DLC1: variants seen among roughly 807,000 people sequenced by gnomAD.
DLC1 encodes DLC1 Rho GTPase activating protein, also known as rho GTPase-activating protein 7.
A neutral mutation model predicts 140.3 loss-of-function variants in DLC1; 54 were observed. The observed-to-expected ratio is 0.38, with a 90% CI of 0.31 to 0.48. The LOEUF (loss-of-function observed/expected upper bound fraction) is 0.48. Ranked by LOEUF, DLC1 falls within the 20% of genes least tolerant of loss-of-function variation. The pLI, the probability that DLC1 is intolerant of heterozygous loss-of-function variation, is 0.96. For missense variants in DLC1, 2,536 were observed against 1,907.0 expected, an observed-to-expected ratio of 1.33 and a Z score of -6.14; for synonymous variants, 986 against 728.1, an observed-to-expected ratio of 1.35 and a Z score of -5.70.
chr8:13,360,492 C>T (rs2117072567), intron 4 of DLC1, among the ~76,000 whole-genome samples: 1 of 152,212 alleles, frequency 6.6e-6, no homozygotes, highest in East Asian at 1.9e-4. Flanking sequence ...TTGACATCAC[C>T]TGGGAAACTT....
intron 4 of DLC1, among the ~76,000 whole-genome samples, chr8:13,329,372 G>T (rs1833496476): frequency 6.6e-6 from 1 of 152,162 alleles, no homozygotes; most frequent in South Asian, 2.1e-4. Flanking sequence ...CAAGGTTGGA[G>T]TTGTATCCTA....
chr8:13,176,503 C>T (rs972767890), intron 5 of DLC1, among the ~76,000 whole-genome samples: 24 of 152,144 alleles, frequency 1.6e-4, no homozygotes, highest in Non-Finnish European at 2.1e-4. Flanking sequence ...GGTGTGAACC[C>T]GGCAGGTGGA....
At chr8:13,346,671 G>C (rs922239747) in intron 4 of DLC1, among the ~76,000 whole-genome samples, 2 of 152,220 alleles carry the variant, frequency 1.3e-5, no homozygotes, top group Non-Finnish European at 2.9e-5. Flanking sequence ...CCGGGGATGT[G>C]TCCAGAGAAA....
At chr8:13,120,770 G>T (rs1820995907) in intron 5 of DLC1, among the ~76,000 whole-genome samples, 1 of 152,118 alleles carries the variant, frequency 6.6e-6, no homozygotes, top group Non-Finnish European at 1.5e-5. Flanking sequence ...CTGGACATTA[G>T]ATGGATGAGT....
chr8:13,428,071 G>C (rs567295295), intron 2 of DLC1, among the ~76,000 whole-genome samples: 1 of 152,232 alleles, frequency 6.6e-6, no homozygotes, highest in East Asian at 1.9e-4. Context: ...GCTTGGGAAT[G>C]AAAGGCATTT....
At chr8:13,214,756 A>C (rs1054027781) in intron 5 of DLC1, 1 of 780,794 alleles carries the variant, frequency 1.3e-6, no homozygotes, top group African/African-American at 1.7e-5. Flanking sequence ...ATCCACTTCC[A>C]ACTTTACTGA....
At chr8:13,266,622 G>A (rs1830698231) in intron 5 of DLC1, among the ~76,000 whole-genome samples, 1 of 152,084 alleles carries the variant, frequency 6.6e-6, no homozygotes, top group Non-Finnish European at 1.5e-5. Flanking sequence ...GCAGGTGCCT[G>A]TAGTCCCAGC....
chr8:13,266,969 G>A (rs1830713499), intron 5 of DLC1, among the ~76,000 whole-genome samples: 1 of 152,070 alleles, frequency 6.6e-6, no homozygotes, highest in Admixed American at 6.5e-5. Context: ...CACATGAGTT[G>A]GTCTTCCTCA....
At chr8:13,181,431 C>T (rs1826029480) in intron 5 of DLC1, among the ~76,000 whole-genome samples, 1 of 151,016 alleles carries the variant, frequency 6.6e-6, no homozygotes, top group Non-Finnish European at 1.5e-5. Flanking sequence ...TGCTTTGCTG[C>T]ACCCATCAAC....
chr8:13,148,049 T>G (rs1377329780), intron 5 of DLC1, among the ~76,000 whole-genome samples: 2 of 152,196 alleles, frequency 1.3e-5, no homozygotes, highest in Non-Finnish European at 2.9e-5. Flanking sequence ...TGTTGTATTC[T>G]TCCTCTCTAT....
intron 2 of DLC1, among the ~76,000 whole-genome samples, chr8:13,464,769 TA>T (rs1799852180): frequency 7.5e-5 from 2 of 26,624 alleles, no homozygotes; most frequent in African/African-American, 2.3e-4. Context: ...TATATATTTA[TA>T]TATATATATA....
intron 2 of DLC1, among the ~76,000 whole-genome samples, chr8:13,486,887 A>G (rs948884633): frequency 4.6e-5 from 7 of 152,196 alleles, no homozygotes; most frequent in Non-Finnish European, 1.0e-4. Context: ...ACAACAGCAA[A>G]TACATAGGGT....
At chr8:13,165,366 G>C (rs1825034137) in intron 5 of DLC1, among the ~76,000 whole-genome samples, 1 of 152,168 alleles carries the variant, frequency 6.6e-6, no homozygotes, top group Non-Finnish European at 1.5e-5. Context: ...AATTTGAAGA[G>C]GTTTTCGCGT....
upstream of DLC1, among the ~76,000 whole-genome samples, chr8:13,516,385 C>T (rs1428613189): frequency 1.3e-5 from 2 of 152,176 alleles, no homozygotes; most frequent in Admixed American, 6.6e-5. Flanking sequence ...CTGTTATTCT[C>T]CATCCCTGTA....
At chr8:13,180,950 C>T (rs774529993) in intron 5 of DLC1, among the ~76,000 whole-genome samples, 1 of 151,898 alleles carries the variant, frequency 6.6e-6, no homozygotes, top group Admixed American at 6.6e-5. Flanking sequence ...ATTGGTTTCA[C>T]TATTTAGCGC....
At chr8:13,344,381 T>A (rs1313854186) in intron 4 of DLC1, among the ~76,000 whole-genome samples, 1 of 152,034 alleles carries the variant, frequency 6.6e-6, no homozygotes, top group Non-Finnish European at 1.5e-5. Flanking sequence ...TAATCCCAGC[T>A]ACTTGGGAGG....
chr8:13,418,475 C>G (rs1838171891), intron 2 of DLC1, among the ~76,000 whole-genome samples: 1 of 152,138 alleles, frequency 6.6e-6, no homozygotes, highest in Non-Finnish European at 1.5e-5. Context: ...ATAGGGAATC[C>G]TTTCCCCATT....
chr8:13,406,592 C>T (rs1585053414), intron 2 of DLC1, among the ~76,000 whole-genome samples: 1 of 152,098 alleles, frequency 6.6e-6, no homozygotes, highest in Non-Finnish European at 1.5e-5. Flanking sequence ...TTGGGTGAAT[C>T]ATCCTCAGTT....
chr8:13,172,858 C>G (rs1023055679), intron 5 of DLC1, among the ~76,000 whole-genome samples: 4 of 152,216 alleles, frequency 2.6e-5, no homozygotes, highest in African/African-American at 9.6e-5. Flanking sequence ...AGCTTACTCT[C>G]ATCCCGAGTT....
Sources: allele counts gnomAD v4.1 joint callset (sites outside exome capture counted in the v4.1 genomes callset), GRCh38; gene constraint gnomAD v4.1.1; transcripts MANE v1.5; gene names NCBI Gene and HGNC (gene_info 2026-07-23, HGNC 2026-07-21).